Variants in GMDS observed in about 807,000 individuals in gnomAD.
GMDS encodes GDP-mannose 4,6-dehydratase, also known as GDP-mannose 4,6 dehydratase.
In GMDS, 20 loss-of-function variants were observed where a neutral mutation model predicts 49.9. That is an observed-to-expected ratio of 0.40 (90% confidence interval 0.28 to 0.58). The LOEUF is 0.58. GMDS is among the 20% of genes least tolerant of loss of function. GMDS has a pLI of 0.42. For synonymous variants in GMDS, 177 were observed against 178.6 expected (o/e 0.99, Z 0.07); for missense variants, 362 against 481.4 (o/e 0.75, Z 2.32).
chr6:2,069,082 G>T (rs1771812242), intron 4 of GMDS, among the ~76,000 whole-genome samples: 1 of 152,116 alleles, frequency 6.6e-6, no homozygotes, highest in South Asian at 2.1e-4. Context: ...TAGATCAATG[G>T]AACAGAACAG....
At chr6:1,686,682 G>C (rs1764987731) in intron 9 of GMDS, among the ~76,000 whole-genome samples, 2 of 152,194 alleles carry the variant, frequency 1.3e-5, no homozygotes, top group Non-Finnish European at 2.9e-5. Flanking sequence ...CTTTCCCTCT[G>C]AGTAAAGCAT....
chr6:1,820,122 A>G (rs1770833670), intron 7 of GMDS, among the ~76,000 whole-genome samples: 1 of 152,130 alleles, frequency 6.6e-6, no homozygotes, highest in South Asian at 2.1e-4. Context: ...TTTCTGACTT[A>G]GCATTAATGA....
At chr6:1,783,261 A>G (rs2318108) in intron 7 of GMDS, among the ~76,000 whole-genome samples, 67,353 of 152,068 alleles carry the variant, frequency 0.44, 15,482 homozygotes, top group East Asian at 0.75. Context: ...AACCTCAAAC[A>G]GGACTTAATC....
chr6:2,063,128 G>A (rs1771291384), intron 4 of GMDS, among the ~76,000 whole-genome samples: 1 of 152,150 alleles, frequency 6.6e-6, no homozygotes, highest in African/African-American at 2.4e-5. Context: ...CCCATGCATG[G>A]CACAGTGCCT....
At position 1,726,374 on chromosome 6, in the gene GMDS, AGCCAAATGTGGCCACGCACTGGGTG is replaced by A; in HGVS notation, c.987+17_987+41del. ...CATGAGCGCATTTGCCCAGCCAGCC[AGCCAAATGTGGCCACGCACTGGGTG>A]GCCAGAGAGTCCTTACCACTTCAGT... On this transcript the variant is annotated intron_variant, in intron 9 of 10. Coordinates refer to ENST00000380815, the MANE Select transcript of GMDS (RefSeq NM_001500.4). The A allele has an allele frequency of 7.4e-7, 1 of 1,356,422 alleles. No individual in the cohort carries two copies. The highest frequency in any genetic ancestry group is 1.1e-6 in the Non-Finnish European group (1 of 944,688). 84.0% of individuals were successfully genotyped at this position (1,356,422 alleles called of 1,614,324 possible). A position where few individuals can be genotyped will look rare whatever the true frequency, so the allele number is the denominator to read the frequency against.
intron 3 of GMDS, among the ~76,000 whole-genome samples, 172 bp downstream of exon 3, chr6:2,117,297 G>A (rs1254682037): frequency 6.6e-6 from 1 of 152,150 alleles, no homozygotes; most frequent in African/African-American, 2.4e-5. Flanking sequence ...AGGGCAGTGA[G>A]CAGGGAAGGT....
intron 1 of GMDS, among the ~76,000 whole-genome samples, chr6:2,235,652 A>C (rs997732807): frequency 6.6e-6 from 1 of 151,836 alleles, no homozygotes; most frequent in Non-Finnish European, 1.5e-5. Context: ...CAAAAAAAAA[A>C]AATACAAAAA....
At chr6:1,658,794 G>T (rs2113240551) in intron 9 of GMDS, among the ~76,000 whole-genome samples, 1 of 152,338 alleles carries the variant, frequency 6.6e-6, no homozygotes, top group South Asian at 2.1e-4. Context: ...TCTGACTATT[G>T]TCACCTTGCC....
intron 1 of GMDS, among the ~76,000 whole-genome samples, chr6:2,152,763 T>C (rs975156593): frequency 2.6e-5 from 4 of 152,158 alleles, no homozygotes; most frequent in Non-Finnish European, 4.4e-5. Context: ...CATATAAATA[T>C]GCAAGGATAA....
chr6:1,800,143 C>T (rs1769892059), intron 7 of GMDS, among the ~76,000 whole-genome samples: 1 of 152,134 alleles, frequency 6.6e-6, no homozygotes, highest in African/African-American at 2.4e-5. Context: ...CTCTGAAATT[C>T]TTCCTTCTCG....
chr6:2,067,820 G>A lies in GMDS; in HGVS notation c.345+47951C>T, dbSNP rs534293197. On this transcript the variant is annotated intron_variant, in intron 4 of 10. Transcript: ENST00000380815. The stretch of plus-strand genomic sequence containing the variant: ...TCCAGGACCAGATGGATTCACAGCC[G>A]AATTCTACCAGAGGTACGAGGAGGA... 4.5e-3 allele frequency among the ~76,000 whole-genome samples: 692 copies of A among 152,216 alleles called. 3 individuals carry two copies. The highest frequency in any genetic ancestry group is 0.016 in the African/African-American group (668 of 41,516).
intron 4 of GMDS, among the ~76,000 whole-genome samples, chr6:2,098,720 A>G (rs1022631841): frequency 3.3e-5 from 5 of 152,344 alleles, no homozygotes; most frequent in Admixed American, 1.3e-4. Context: ...AAACTAACTT[A>G]GGAACAAGTT....
At chr6:2,139,877 C>T (rs1249020610) in intron 1 of GMDS, among the ~76,000 whole-genome samples, 4 of 152,096 alleles carry the variant, frequency 2.6e-5, no homozygotes. Flanking sequence ...CACAGGAAGA[C>T]GTCGTGAAAG....
chr6:2,134,065 CAT>C (rs1475482564), intron 1 of GMDS, among the ~76,000 whole-genome samples: 1 of 152,200 alleles, frequency 6.6e-6, no homozygotes, highest in Admixed American at 6.5e-5. Flanking sequence ...GGAGGAATCA[CAT>C]ATTAAAAGTC....
At chr6:1,794,020 G>A (rs139626329) in intron 7 of GMDS, among the ~76,000 whole-genome samples, 13 of 152,274 alleles carry the variant, frequency 8.5e-5, no homozygotes, top group African/African-American at 3.1e-4. Flanking sequence ...GGATGAAGAC[G>A]GATACTTCTA....
chr6:1,849,154 G>A (rs1421783394), intron 7 of GMDS, among the ~76,000 whole-genome samples: 1 of 152,158 alleles, frequency 6.6e-6, no homozygotes, highest in Non-Finnish European at 1.5e-5. Flanking sequence ...TTCTTCCTGT[G>A]ATTTAGTCAC....
chr6:2,074,393 C>T (rs624545), intron 4 of GMDS, among the ~76,000 whole-genome samples: 93,747 of 151,998 alleles, frequency 0.62, 29,238 homozygotes, highest in African/African-American at 0.71. Flanking sequence ...GAGTACCCTG[C>T]ACATTTTGGA....
chr6:1,744,748 G>A (rs1767413775), intron 7 of GMDS, among the ~76,000 whole-genome samples: 1 of 152,244 alleles, frequency 6.6e-6, no homozygotes, highest in Admixed American at 6.5e-5. Context: ...GTGCCTGCAA[G>A]TGAAATTCCC....
At chr6:1,732,451 T>C (rs907972081) in intron 8 of GMDS, among the ~76,000 whole-genome samples, 15 of 151,992 alleles carry the variant, frequency 9.9e-5, no homozygotes, top group African/African-American at 2.7e-4. Flanking sequence ...AACATAACAA[T>C]TGAGTATTAA....
Sources: gnomAD v4.1 joint callset for allele counts (sites outside exome capture counted in the v4.1 genomes callset) on GRCh38, gnomAD v4.1.1 for gene constraint, MANE v1.5 for transcripts, NCBI Gene and HGNC (gene_info 2026-07-23, HGNC 2026-07-21) for gene names.